CSMD1: variants seen among roughly 807,000 people sequenced by gnomAD.
The protein encoded by CSMD1 is CUB and Sushi multiple domains 1.
CSMD1 carries 213 observed loss-of-function variants against 417.5 expected under a neutral mutation model. The observed-to-expected ratio is 0.51, with a 90% confidence interval of 0.46 to 0.57. The LOEUF (loss-of-function observed/expected upper bound fraction) is 0.57. Ranked by LOEUF, CSMD1 falls within the 20% of genes least tolerant of loss-of-function variation. The pLI is 0.00. For synonymous variants in CSMD1, 2,862 were observed against 1,736.8 expected, an observed-to-expected ratio of 1.65 and a Z score of -16.11; for missense variants, 6,923 against 4,529.7, an observed-to-expected ratio of 1.53 and a Z score of -15.17.
At chr8:4,454,456 G>A (rs1799349048) in intron 2 of CSMD1, among the ~76,000 whole-genome samples, 2 of 152,184 alleles carry the variant, frequency 1.3e-5, no homozygotes, top group Non-Finnish European at 2.9e-5. Flanking sequence ...ACCGCCGTTT[G>A]AGTATAAACT....
At chr8:3,572,999 T>C (rs1186240355) in intron 10 of CSMD1, among the ~76,000 whole-genome samples, 1 of 150,008 alleles carries the variant, frequency 6.7e-6, no homozygotes, top group Non-Finnish European at 1.5e-5. Flanking sequence ...ACTAGTTATA[T>C]ACTATATAAT....
At chr8:4,392,361 A>G (rs1803903513) in intron 3 of CSMD1, among the ~76,000 whole-genome samples, 1 of 152,218 alleles carries the variant, frequency 6.6e-6, no homozygotes, top group African/African-American at 2.4e-5. Context: ...GAGGAGGAGC[A>G]GTAAAGAGAA....
chr8:3,762,795 G>A (rs1798084003), intron 5 of CSMD1, among the ~76,000 whole-genome samples: 2 of 152,184 alleles, frequency 1.3e-5, no homozygotes, highest in South Asian at 4.1e-4. Context: ...GACCCTGAAG[G>A]CAAGGGAGAG....
At chr8:4,053,412 G>C (rs1446536037) in intron 3 of CSMD1, among the ~76,000 whole-genome samples, 2 of 150,850 alleles carry the variant, frequency 1.3e-5, no homozygotes, top group South Asian at 2.1e-4. Context: ...GGTGTGAATA[G>C]CTCCCACCAC....
chr8:4,184,558 G>C (rs886390345), intron 3 of CSMD1, among the ~76,000 whole-genome samples: 1 of 152,114 alleles, frequency 6.6e-6, no homozygotes, highest in African/African-American at 2.4e-5. Context: ...TATGTCCTTT[G>C]CATGAGCATG....
intron 7 of CSMD1, among the ~76,000 whole-genome samples, chr8:3,631,178 C>T (rs1393735519): frequency 6.6e-6 from 1 of 152,188 alleles, no homozygotes; most frequent in Non-Finnish European, 1.5e-5. Flanking sequence ...CGGCAGGACT[C>T]CTTCCCCTTC....
chr8:2,957,864 C>G, intron 62 of CSMD1, 57 bp from the exon 63 acceptor site: 1 of 1,162,704 alleles, frequency 8.6e-7, no homozygotes, highest in Non-Finnish European at 1.3e-6. Context: ...GAAGTGTCAA[C>G]TAGTGATACC....
At chr8:3,143,647 C>T (rs1165589857) in intron 40 of CSMD1, among the ~76,000 whole-genome samples, 3 of 152,056 alleles carry the variant, frequency 2.0e-5, no homozygotes, top group Admixed American at 6.5e-5. Flanking sequence ...TAAGCTGGGC[C>T]GTAAAACCTA....
chr8:3,137,098 G>T (rs947621047), intron 41 of CSMD1, among the ~76,000 whole-genome samples: 1 of 152,002 alleles, frequency 6.6e-6, no homozygotes, highest in Non-Finnish European at 1.5e-5. Context: ...TCATTTCTTT[G>T]TGGGGGGAAT....
chr8:3,535,569 G>A lies in CSMD1; in HGVS notation c.1344+39376C>T, dbSNP rs147401355. Among the ~76,000 whole-genome samples, 428 of 152,212 alleles carry A rather than the reference G, an allele frequency of 2.8e-3. 2 individuals are homozygous for A. The highest frequency in any genetic ancestry group is 9.8e-3 in the African/African-American group (409 of 41,538). On this transcript the variant is annotated intron_variant, in intron 10 of 69. Transcript: ENST00000635120. The stretch of plus-strand genomic sequence containing the variant: ...GGGGGCTGGTGGGTAGGAAGAAGAA[G>A]GATGAGAAATTACTTAATGAGAAAT...
At chr8:4,269,029 G>C (rs898645831) in intron 3 of CSMD1, among the ~76,000 whole-genome samples, 9 of 152,102 alleles carry the variant, frequency 5.9e-5, no homozygotes, top group African/African-American at 2.2e-4. Context: ...ACAATGAGGT[G>C]CATTTTCCAA....
At chr8:3,720,205 G>T (rs1438922254) in intron 6 of CSMD1, among the ~76,000 whole-genome samples, 1 of 152,132 alleles carries the variant, frequency 6.6e-6, no homozygotes, top group Non-Finnish European at 1.5e-5. Context: ...CAAGTAAGAC[G>T]TCCATGGAGT....
At chr8:4,164,462 G>A (rs1797341778) in intron 3 of CSMD1, among the ~76,000 whole-genome samples, 1 of 152,098 alleles carries the variant, frequency 6.6e-6, no homozygotes, top group African/African-American at 2.4e-5. Context: ...ATGCTTCCCA[G>A]AAATGAACCC....
At chr8:4,852,741 T>A (rs756467023) in intron 1 of CSMD1, among the ~76,000 whole-genome samples, 16 of 152,130 alleles carry the variant, frequency 1.1e-4, no homozygotes, top group Non-Finnish European at 2.2e-4. Flanking sequence ...TAAGTGGTTA[T>A]AACCAAAATG....
chr8:4,143,696 T>C (rs1322770680), intron 3 of CSMD1, among the ~76,000 whole-genome samples: 2 of 150,754 alleles, frequency 1.3e-5, no homozygotes, highest in Non-Finnish European at 2.9e-5. Flanking sequence ...TTGGATAAGA[T>C]ACACAAAGTA....
intron 6 of CSMD1, among the ~76,000 whole-genome samples, chr8:3,750,032 C>T (rs140686928): frequency 1.5e-4 from 23 of 152,142 alleles, no homozygotes; most frequent in African/African-American, 5.1e-4. Context: ...AAAATATAGT[C>T]ATTATTGAGT....
chr8:3,596,795 C>G (rs1801116275), intron 8 of CSMD1, among the ~76,000 whole-genome samples: 1 of 147,226 alleles, frequency 6.8e-6, no homozygotes, highest in Non-Finnish European at 1.5e-5. Flanking sequence ...CACTCACACA[C>G]ACATGCATAC....
intron 9 of CSMD1, among the ~76,000 whole-genome samples, chr8:3,578,541 G>T (rs1016949613): frequency 6.6e-6 from 1 of 152,190 alleles, no homozygotes; most frequent in Non-Finnish European, 1.5e-5. Context: ...TTGGGGGGCT[G>T]TATTGAATAC....
intron 38 of CSMD1, among the ~76,000 whole-genome samples, chr8:3,161,712 C>G (rs980038406): frequency 6.7e-6 from 1 of 149,532 alleles, no homozygotes; most frequent in African/African-American, 2.5e-5. Context: ...TTAAAACTTA[C>G]TTAAATGTTT....
Sources: allele counts gnomAD v4.1 joint callset (sites outside exome capture counted in the v4.1 genomes callset), GRCh38; gene constraint gnomAD v4.1.1; transcripts MANE v1.5; gene names NCBI Gene and HGNC (gene_info 2026-07-23, HGNC 2026-07-21).